PIK3CB: variants seen among roughly 807,000 people sequenced by gnomAD.
The protein encoded by PIK3CB is phosphatidylinositol 4,5-bisphosphate 3-kinase catalytic subunit beta isoform.
PIK3CB carries 39 observed loss-of-function variants against 136.8 expected under a neutral mutation model. That is an observed-to-expected ratio of 0.29 (90% CI 0.22 to 0.37). The LOEUF (loss-of-function observed/expected upper bound fraction) is 0.37, where lower values mean the gene tolerates loss of function less well. Among genes scored for constraint, PIK3CB ranks in the 10% least tolerant of loss-of-function variants. The probability of loss-of-function intolerance (pLI) is 1.00; values close to 1 mark genes in which losing one functional copy is unlikely to be tolerated. For synonymous variants in PIK3CB, 428 were observed against 436.6 expected, an observed-to-expected ratio of 0.98 and a Z score of 0.25; for missense variants, 868 against 1,275.4, an observed-to-expected ratio of 0.68 and a Z score of 4.87.
At chr3:138,743,653 C>T (rs2108675214) in intron 4 of PIK3CB, among the ~76,000 whole-genome samples, 1 of 152,252 alleles carries the variant, frequency 6.6e-6, no homozygotes, top group Admixed American at 6.5e-5. Context: ...GCCTTCATCT[C>T]CTGGGCTCAA....
intron 19 of PIK3CB, among the ~76,000 whole-genome samples, chr3:138,676,068 T>A (rs2043636292): frequency 6.6e-6 from 1 of 152,312 alleles, no homozygotes; most frequent in South Asian, 2.1e-4. Flanking sequence ...ATAATTTATC[T>A]AAGAAGGGTC....
intron 1 of PIK3CB, among the ~76,000 whole-genome samples, chr3:138,829,787 CAAA>C (rs1933942159): frequency 6.6e-6 from 1 of 151,794 alleles, no homozygotes; most frequent in African/African-American, 2.4e-5. Context: ...AACTCCATCT[CAAA>C]AAAGAAGAAA....
At chr3:138,768,708 T>C (rs2045764283) in intron 2 of PIK3CB, among the ~76,000 whole-genome samples, 1 of 152,122 alleles carries the variant, frequency 6.6e-6, no homozygotes, top group Admixed American at 6.5e-5. Flanking sequence ...TTCCCTCCTA[T>C]GTTCATTGGT....
intron 5 of PIK3CB, among the ~76,000 whole-genome samples, chr3:138,741,711 C>G (rs1235897269): frequency 6.6e-6 from 1 of 151,992 alleles, no homozygotes; most frequent in African/African-American, 2.4e-5. Flanking sequence ...GCCTGTAATT[C>G]CAGCTACTCA....
intron 19 of PIK3CB, among the ~76,000 whole-genome samples, chr3:138,673,682 A>AAC (rs972487107): frequency 1.3e-5 from 2 of 151,974 alleles, no homozygotes; most frequent in Non-Finnish European, 2.9e-5. Context: ...GTTTATTTAA[A>AAC]ACACACACAC....
In PIK3CB at chr3:138,769,497, G is replaced by A. The variant is rs150307039; in HGVS notation, c.-16-10138C>T. ...CAAGACCTTTAGTAACAAATTTACC[G>A]AAGAGATATTCAAACTAAAACCACA... On this transcript the variant is annotated intron_variant, in intron 2 of 23. Transcript: ENST00000674063. Among the ~76,000 whole-genome samples the A allele has an allele frequency of 2.4e-4, 37 of 152,204 alleles. 1 individual carries two copies. The East Asian group carries it at 5.4e-3, about 22-fold the overall frequency.
intron 2 of PIK3CB, among the ~76,000 whole-genome samples, chr3:138,762,846 GC>G: frequency 6.6e-6 from 1 of 152,030 alleles, no homozygotes; most frequent in South Asian, 2.1e-4. Flanking sequence ...TGTAATCCCA[GC>G]TACCAGGGAG....
chr3:138,784,455 T>C (rs561653002), intron 2 of PIK3CB, among the ~76,000 whole-genome samples: 2 of 152,024 alleles, frequency 1.3e-5, no homozygotes, highest in African/African-American at 4.8e-5. Flanking sequence ...GTCTCCCACT[T>C]TGCACGGTCT....
chr3:138,694,671 G>C (rs769983173), intron 14 of PIK3CB, 115 bp downstream of exon 14: 1 of 1,094,164 alleles, frequency 9.1e-7, no homozygotes, highest in Non-Finnish European at 1.3e-6. Flanking sequence ...CAAATGCTTT[G>C]AACTGTGAAT....
At chr3:138,798,147 GTTAT>G (rs978880083) in intron 1 of PIK3CB, among the ~76,000 whole-genome samples, 2 of 151,926 alleles carry the variant, frequency 1.3e-5, no homozygotes, top group Non-Finnish European at 2.9e-5. Flanking sequence ...AGAATCTGCA[GTTAT>G]TTATTTATTT....
At chr3:138,745,697 C>T (rs528735217) in intron 4 of PIK3CB, among the ~76,000 whole-genome samples, 1 of 152,228 alleles carries the variant, frequency 6.6e-6, no homozygotes, top group Non-Finnish European at 1.5e-5. Context: ...AGTGATGGAA[C>T]CAATCCAGAA....
intron 9 of PIK3CB, among the ~76,000 whole-genome samples, chr3:138,713,506 C>T (rs769886882): frequency 6.6e-6 from 1 of 151,830 alleles, no homozygotes; most frequent in Non-Finnish European, 1.5e-5. Flanking sequence ...CCTGTTTCTA[C>T]TAAAAATACA....
intron 9 of PIK3CB, among the ~76,000 whole-genome samples, chr3:138,713,771 A>G (rs2044553964): frequency 6.6e-6 from 1 of 152,196 alleles, no homozygotes; most frequent in African/African-American, 2.4e-5. Context: ...CCCACCAAAA[A>G]GCTTTCAAAA....
intron 1 of PIK3CB, among the ~76,000 whole-genome samples, chr3:138,833,346 C>T (rs1934126733): frequency 6.6e-6 from 1 of 152,052 alleles, no homozygotes; most frequent in Non-Finnish European, 1.5e-5. Context: ...GGATTACAGG[C>T]GTGAGCCAAC....
intron 10 of PIK3CB, among the ~76,000 whole-genome samples, chr3:138,708,796 A>G (rs537201340): frequency 1.3e-5 from 2 of 152,098 alleles, no homozygotes; most frequent in African/African-American, 2.4e-5. Context: ...AGCAATTTAC[A>G]GTTTCATACT....
At chr3:138,789,308 A>G (rs1213520653) in intron 2 of PIK3CB, among the ~76,000 whole-genome samples, 2 of 151,860 alleles carry the variant, frequency 1.3e-5, no homozygotes, top group African/African-American at 4.8e-5. Context: ...AAATACAAAA[A>G]ATTAGCCAGG....
At chr3:138,714,791 G>C (rs1314342778) in intron 8 of PIK3CB, 72 bp from the exon 9 acceptor site, 5 of 1,320,210 alleles carry the variant, frequency 3.8e-6, no homozygotes, top group Admixed American at 2.5e-5. Context: ...CTTTTTGTTT[G>C]TTTGTTTGTT....
intron 2 of PIK3CB, among the ~76,000 whole-genome samples, chr3:138,780,321 A>G (rs1319041802): frequency 6.6e-6 from 1 of 151,838 alleles, no homozygotes; most frequent in Non-Finnish European, 1.5e-5. Flanking sequence ...GCCAGGCTGG[A>G]GTGCAGTGGT....
intron 1 of PIK3CB, among the ~76,000 whole-genome samples, chr3:138,815,437 A>T (rs2108884530): frequency 6.7e-6 from 1 of 150,250 alleles, no homozygotes; most frequent in African/African-American, 2.4e-5. Flanking sequence ...AAAGAAAAAA[A>T]AAAAGAAGAA....
Sources: allele counts gnomAD v4.1 joint callset (sites outside exome capture counted in the v4.1 genomes callset), GRCh38; gene constraint gnomAD v4.1.1; transcripts MANE v1.5; gene names NCBI Gene and HGNC (gene_info 2026-07-23, HGNC 2026-07-21).